Variants in PAG1 observed in about 807,000 individuals in gnomAD.
PAG1 encodes phosphoprotein membrane anchor with glycosphingolipid microdomains 1.
Under a neutral mutation model 31.7 loss-of-function variants are expected in PAG1, and 23 were observed. That is an observed-to-expected ratio of 0.73 (90% CI 0.52 to 1.03). PAG1 has a LOEUF of 1.03. PAG1 is among the 50% of genes least tolerant of loss of function. PAG1 has a pLI of 0.00. For missense variants in PAG1, 473 were observed against 540.7 expected (o/e 0.87, Z 1.24); for synonymous variants, 214 against 210.3 (o/e 1.02, Z -0.15).
At chr8:81,083,429 C>G (rs1809300650) in intron 1 of PAG1, among the ~76,000 whole-genome samples, 1 of 152,054 alleles carries the variant, frequency 6.6e-6, no homozygotes, top group South Asian at 2.1e-4. Context: ...CCTTGGCTCC[C>G]TACTCAGTTT....
At chr8:81,027,994 C>T (rs928906961) in intron 3 of PAG1, among the ~76,000 whole-genome samples, 3 of 151,922 alleles carry the variant, frequency 2.0e-5, no homozygotes, top group Non-Finnish European at 4.4e-5. Flanking sequence ...GGGTCCCCCA[C>T]AGCTGCTGTT....
At position 80,972,043 on chromosome 8, in the gene PAG1, A is replaced by C. The variant is rs1051220683; in HGVS notation, c.*4501T>G. The C allele has an allele frequency of 1.1e-4, 16 of 152,270 alleles. No homozygotes were observed. The highest frequency in any genetic ancestry group is 3.9e-4 in the African/African-American group (16 of 41,474). The allele number at this position is 152,270 out of a possible 1,614,324, so 9.4% of individuals were successfully genotyped here. The stretch of plus-strand genomic sequence containing the variant: ...AAAATATACAACACAGGGCAAGAAA[A>C]TACTACTGTAGAATAAGGAATTTAG... On this transcript the variant is annotated 3_prime_UTR_variant, in exon 9 of 9. Transcript: ENST00000220597.
intron 2 of PAG1, among the ~76,000 whole-genome samples, chr8:81,058,141 A>C (rs564996460): frequency 1.3e-5 from 2 of 152,196 alleles, no homozygotes; most frequent in South Asian, 4.2e-4. Flanking sequence ...TTCTTTGTTC[A>C]TTTTTCCCCA....
Position 80,990,355 on chromosome 8 carries a change from A to G in PAG1, c.177+1124T>C, listed in dbSNP as rs2130481089. ...GCCTAGACTGGAGATGCCCCTGGTC[A>G]TCTCTGCAAACGTCTGCTGGCTGCG... On this transcript the variant is annotated intron_variant, in intron 5 of 8. Transcript: ENST00000220597. The surrounding 1 kb of genome is among the most constrained non-coding windows in gnomAD (Gnocchi z 5.1). 6.6e-6 allele frequency among the ~76,000 whole-genome samples: 1 copy of G among 152,246 alleles called. No individual in the cohort carries two copies. Among genetic ancestry groups the G allele is most frequent in the African/African-American group, 2.4e-5 (1 of 41,544 alleles).
intron 2 of PAG1, among the ~76,000 whole-genome samples, chr8:81,056,519 G>T (rs978117756): frequency 6.6e-6 from 1 of 152,134 alleles, no homozygotes; most frequent in African/African-American, 2.4e-5. Flanking sequence ...CTAGCCATAT[G>T]TAGAAAGCTG....
chr8:81,077,554 G>A (rs971325991), intron 1 of PAG1, among the ~76,000 whole-genome samples: 5 of 152,104 alleles, frequency 3.3e-5, no homozygotes, highest in African/African-American at 1.2e-4. Context: ...CTAACATATG[G>A]TGACTTTTAT....
At chr8:81,103,064 A>G (rs1809633505) in intron 1 of PAG1, among the ~76,000 whole-genome samples, 2 of 152,138 alleles carry the variant, frequency 1.3e-5, no homozygotes, top group Non-Finnish European at 2.9e-5. Flanking sequence ...CAATAATTTT[A>G]TAAGTTAAAA....
intron 3 of PAG1, among the ~76,000 whole-genome samples, chr8:80,994,348 A>G (rs1209269072): frequency 6.6e-6 from 1 of 152,226 alleles, no homozygotes; most frequent in Admixed American, 6.5e-5. Flanking sequence ...CATCCCTGGG[A>G]ATAAATAAGA....
At position 81,017,899 on chromosome 8, in the gene PAG1, C is replaced by T. The variant is rs72674024; in HGVS notation, c.-81+12097G>A. Among the ~76,000 whole-genome samples the T allele has an allele frequency of 4.1e-3, 627 of 152,316 alleles. 1 individual carries two copies. Among genetic ancestry groups the T allele is most frequent in the Non-Finnish European group, 6.9e-3 (467 of 68,012 alleles). On this transcript the variant is annotated intron_variant, in intron 3 of 8. Coordinates refer to ENST00000220597, the MANE Select transcript of PAG1 (RefSeq NM_018440.4). ...GCCAAAGTGGACAGCCACTACTCAA[C>T]CTTTTCCTAGAGTGCCTCTACTAGT... is the stretch of plus-strand genomic sequence containing the variant.
chr8:81,070,773 T>A (rs1357726076), intron 1 of PAG1, among the ~76,000 whole-genome samples: 1 of 152,248 alleles, frequency 6.6e-6, no homozygotes, highest in African/African-American at 2.4e-5. Flanking sequence ...TGGCTTCTTA[T>A]GCTTAAAAAT....
chr8:81,021,993 G>A (rs1023292602), intron 3 of PAG1, among the ~76,000 whole-genome samples: 2 of 152,176 alleles, frequency 1.3e-5, no homozygotes, highest in Non-Finnish European at 2.9e-5. Context: ...GCCAGTATTT[G>A]TGTAAAACAT....
At chr8:81,036,784 T>C (rs529167340) in intron 2 of PAG1, among the ~76,000 whole-genome samples, 41 of 152,312 alleles carry the variant, frequency 2.7e-4, no homozygotes, top group African/African-American at 9.6e-4. Context: ...TTTTTTCCAC[T>C]CCCCAGCTGC....
intron 1 of PAG1, among the ~76,000 whole-genome samples, chr8:81,086,914 A>G (rs568306850): frequency 6.6e-6 from 1 of 152,272 alleles, no homozygotes; most frequent in East Asian, 1.9e-4. Context: ...AAAGTTTCTC[A>G]TTGCCTTTTA....
intron 1 of PAG1, among the ~76,000 whole-genome samples, chr8:81,099,873 T>C (rs1329396039): frequency 2.0e-5 from 3 of 152,224 alleles, no homozygotes; most frequent in African/African-American, 7.2e-5. Flanking sequence ...GCATGTAAAC[T>C]AGAACTCGAT....
Position 80,976,919 on chromosome 8 carries a change from G to A in PAG1, c.937-13C>T, listed in dbSNP as rs2130330197. 1.3e-6 allele frequency: 2 copies of A among 1,581,634 alleles called. No individual in the cohort carries two copies. The highest frequency in any genetic ancestry group is 2.2e-5 in the East Asian group (1 of 44,632). ...ACATAGCTGAGATCTAGGAGACAAA[G>A]GGAGAGTTGAATAAACTTCCAGCTG... On this transcript the variant is annotated splice_polypyrimidine_tract_variant and intron_variant, in intron 8 of 8. Transcript: ENST00000220597.
At chr8:80,979,546 G>A (rs1225372334) in intron 8 of PAG1, among the ~76,000 whole-genome samples, 1 of 152,214 alleles carries the variant, frequency 6.6e-6, no homozygotes, top group Non-Finnish European at 1.5e-5. Flanking sequence ...GTAGAAACAT[G>A]GACGAGGGTG....
At chr8:81,058,865 C>A (rs979538880) in intron 2 of PAG1, among the ~76,000 whole-genome samples, 12 of 152,126 alleles carry the variant, frequency 7.9e-5, no homozygotes, top group Middle Eastern at 3.2e-3. Context: ...CCATTGCATT[C>A]CAACCTGGGC....
intron 1 of PAG1, among the ~76,000 whole-genome samples, chr8:81,084,845 A>G (rs1359853653): frequency 6.6e-6 from 1 of 152,192 alleles, no homozygotes; most frequent in Non-Finnish European, 1.5e-5. Flanking sequence ...CCTTTATTAT[A>G]AGCAAAATGT....
rs192618308 is a variant in PAG1, at chr8:80,971,721, T to G, written c.*4823A>C. On this transcript the variant is annotated 3_prime_UTR_variant, in exon 9 of 9. Transcript: ENST00000220597. ...ATTGTATTTCTCTTTTCATGTTACA[T>G]TAAGAATTTGGAATATTATTTTTCA... is the stretch of plus-strand genomic sequence containing the variant. 1 of 152,286 alleles carries G rather than the reference T, an allele frequency of 6.6e-6. No individual in the cohort carries two copies. Among genetic ancestry groups the G allele is most frequent in the East Asian group, 1.9e-4 (1 of 5,182 alleles). The allele number at this position is 152,286 out of a possible 1,614,324, so 9.4% of individuals were successfully genotyped here. A position where few individuals can be genotyped will look rare whatever the true frequency, so the allele number is the denominator to read the frequency against.
Sources: gnomAD v4.1 joint callset for allele counts (sites outside exome capture counted in the v4.1 genomes callset) on GRCh38, gnomAD v4.1.1 for gene constraint, Gnocchi (gnomAD v3.1) non-coding constraint, MANE v1.5 for transcripts, NCBI Gene and HGNC (gene_info 2026-07-23, HGNC 2026-07-21) for gene names.